CPNE4: variants seen among roughly 807,000 people sequenced by gnomAD.
The protein encoded by CPNE4 is copine 4, also known as copine-4.
Under a neutral mutation model 67.9 loss-of-function variants are expected in CPNE4, and 25 were observed. The ratio of observed to expected loss-of-function variants is 0.37; its 90% CI spans 0.27 to 0.51. The LOEUF (loss-of-function observed/expected upper bound fraction) is 0.51. Among genes scored for constraint, CPNE4 ranks in the 20% least tolerant of loss-of-function variants. The pLI is 0.93. For synonymous variants in CPNE4, 242 were observed against 244.9 expected (o/e 0.99, Z 0.11); for missense variants, 464 against 690.8 (o/e 0.67, Z 3.68).
intron 5 of CPNE4, among the ~76,000 whole-genome samples, chr3:131,696,106 G>A (rs115860672): frequency 2.2e-3 from 333 of 150,516 alleles, no homozygotes; most frequent in African/African-American, 7.2e-3. Flanking sequence ...TGCATAAGTG[G>A]GCTGACTATT....
intron 2 of CPNE4, among the ~76,000 whole-genome samples, chr3:131,741,321 G>C (rs1386261713): frequency 6.6e-6 from 1 of 152,150 alleles, no homozygotes; most frequent in Non-Finnish European, 1.5e-5. Flanking sequence ...AGGTATACCA[G>C]TGTGAACTGA....
chr3:131,787,884 A>C, intron 2 of CPNE4, among the ~76,000 whole-genome samples: 1 of 152,138 alleles, frequency 6.6e-6, no homozygotes, highest in Admixed American at 6.6e-5. Flanking sequence ...ATGTTTGTTC[A>C]ATAAAACACT....
At chr3:131,762,096 C>T (rs2082903528) in intron 2 of CPNE4, among the ~76,000 whole-genome samples, 1 of 151,950 alleles carries the variant, frequency 6.6e-6, no homozygotes. Context: ...CAAAAGGAAA[C>T]ACATTTTTAA....
In CPNE4 at chr3:131,958,965, C is replaced by A. The variant is rs1329067513; in HGVS notation, c.-1-53521G>T. ...GAGCCACGGCTCCCGGCCTGATACA[C>A]CTTTCTTTTTTTTTTTTTTTTTTTT... On this transcript the variant is annotated intron_variant, in intron 1 of 15. Transcript: ENST00000429747. 6.4e-5 allele frequency among the ~76,000 whole-genome samples: 2 copies of A among 31,468 alleles called. 1 individual carries two copies. The highest frequency in any genetic ancestry group is 3.2e-4 in the African/African-American group (2 of 6,344). The allele number at this position is 31,468 out of a possible 152,430, so 20.6% of individuals were successfully genotyped here.
At chr3:131,657,370 G>A (rs2079997715) in intron 7 of CPNE4, among the ~76,000 whole-genome samples, 1 of 152,080 alleles carries the variant, frequency 6.6e-6, no homozygotes, top group African/African-American at 2.4e-5. Flanking sequence ...CAATTAATGA[G>A]TTGAATAAAA....
intron 7 of CPNE4, among the ~76,000 whole-genome samples, chr3:131,632,929 C>T (rs55888645): frequency 0.19 from 29,451 of 152,080 alleles, 4,543 homozygotes; most frequent in African/African-American, 0.43. Flanking sequence ...TGGAGAACCA[C>T]TGACCTAGAT....
At chr3:131,740,582 TC>T (rs1474345351) in intron 2 of CPNE4, among the ~76,000 whole-genome samples, 1 of 152,114 alleles carries the variant, frequency 6.6e-6, no homozygotes, top group Non-Finnish European at 1.5e-5. Context: ...CTTCTCACCT[TC>T]CCCACTGTTG....
chr3:132,035,952 T>C (rs1305976594), upstream of CPNE4, among the ~76,000 whole-genome samples: 4 of 152,066 alleles, frequency 2.6e-5, no homozygotes, highest in Admixed American at 6.5e-5. Context: ...AACCTGAAGG[T>C]TGGAGGAGAT....
intron 14 of CPNE4, among the ~76,000 whole-genome samples, chr3:131,547,210 G>A (rs2368481): frequency 1.6e-4 from 24 of 151,982 alleles, no homozygotes; most frequent in African/African-American, 3.9e-4. Context: ...ACCCCAGAAC[G>A]TTGGGAGGCT....
At chr3:131,995,212 ACT>A (rs760102730) in intron 1 of CPNE4, among the ~76,000 whole-genome samples, 5 of 151,984 alleles carry the variant, frequency 3.3e-5, no homozygotes, top group Non-Finnish European at 7.4e-5. Context: ...ACTCTCACAC[ACT>A]CACACACCTG....
intron 2 of CPNE4, among the ~76,000 whole-genome samples, chr3:131,756,096 A>G (rs1350781494): frequency 6.6e-6 from 1 of 152,172 alleles, no homozygotes; most frequent in Non-Finnish European, 1.5e-5. Flanking sequence ...AACAGCGAGT[A>G]AAAAATGACA....
At chr3:131,734,524 G>C (rs1446690888) in intron 2 of CPNE4, among the ~76,000 whole-genome samples, 1 of 152,134 alleles carries the variant, frequency 6.6e-6, no homozygotes, top group Non-Finnish European at 1.5e-5. Context: ...TCACATGTAT[G>C]TCATTCCTCA....
At chr3:131,782,516 T>C (rs2083454722) in intron 2 of CPNE4, among the ~76,000 whole-genome samples, 1 of 151,908 alleles carries the variant, frequency 6.6e-6, no homozygotes, top group Non-Finnish European at 1.5e-5. Flanking sequence ...ACATACACAG[T>C]AAAGTACATT....
chr3:131,955,410 GTTTTTTTTTTTTT>G (rs766033406), intron 1 of CPNE4, among the ~76,000 whole-genome samples: 2 of 42,270 alleles, frequency 4.7e-5, no homozygotes, highest in African/African-American at 9.2e-5. Flanking sequence ...TGTATGTAAG[GTTTTTTTTTTTTT>G]TTTTTTTTTT....
rs1042105910 is a variant in CPNE4, at chr3:131,549,657, A to G, written c.1302+290T>C. Among the ~76,000 whole-genome samples, 7 of 152,138 alleles carry G rather than the reference A, an allele frequency of 4.6e-5. 1 individual carries two copies. The South Asian group carries it at 6.2e-4, about 14-fold the overall frequency. ...TTCAAGGACAGGAGGTGGATATGACATACTTTAGTGAATATAGTAGCTTCC... is the reference window on the plus strand; with the variant it reads ...TTCAAGGACAGGAGGTGGATATGACGTACTTTAGTGAATATAGTAGCTTCC... On this transcript the variant is annotated intron_variant, in intron 14 of 15. Coordinates refer to ENST00000429747, the MANE Select transcript of CPNE4 (RefSeq NM_130808.3).
chr3:131,713,294 A>C (rs2107726539), intron 3 of CPNE4, among the ~76,000 whole-genome samples: 1 of 152,274 alleles, frequency 6.6e-6, no homozygotes, highest in Non-Finnish European at 1.5e-5. Context: ...TCTTTTTATA[A>C]CTATCTTTGA....
Position 131,682,315 on chromosome 3 carries a change from G to A in CPNE4, c.591+3560C>T, listed in dbSNP as rs138506062. ...AGGTATTCAAAGGGATTTGGGTGTC[G>A]TGGTCTGTTTTTGGTCACTGTGACT... On this transcript the variant is annotated intron_variant, in intron 6 of 15. Transcript: ENST00000429747. Among the ~76,000 whole-genome samples, 463 of 152,206 alleles carry A rather than the reference G, an allele frequency of 3.0e-3. 2 individuals carry two copies. The highest frequency in any genetic ancestry group is 0.01 in the East Asian group (53 of 5,140).
chr3:131,803,298 C>A (rs2084197122), intron 2 of CPNE4, among the ~76,000 whole-genome samples: 2 of 152,158 alleles, frequency 1.3e-5, no homozygotes, highest in Admixed American at 6.5e-5. Context: ...CAGTGCCTGG[C>A]ATATAGCAGA....
At chr3:131,654,949 T>C (rs1278147133) in intron 7 of CPNE4, among the ~76,000 whole-genome samples, 1 of 152,168 alleles carries the variant, frequency 6.6e-6, no homozygotes, top group African/African-American at 2.4e-5. Flanking sequence ...GAAGCAACTA[T>C]TGAGAGATGA....
Sources: allele counts gnomAD v4.1 joint callset (sites outside exome capture counted in the v4.1 genomes callset), GRCh38; gene constraint gnomAD v4.1.1; transcripts MANE v1.5; gene names NCBI Gene and HGNC (gene_info 2026-07-23, HGNC 2026-07-21).